Variants in EXOC6B observed in about 807,000 individuals in gnomAD.
EXOC6B encodes the protein SEC15 homolog B.
Under a neutral mutation model 113.5 loss-of-function variants are expected in EXOC6B, and 54 were observed. The ratio of observed to expected loss-of-function variants is 0.48; its 90% confidence interval spans 0.38 to 0.60. The LOEUF (loss-of-function observed/expected upper bound fraction) is 0.60. Among genes scored for constraint, EXOC6B ranks in the 20% least tolerant of loss-of-function variants. EXOC6B has a pLI of 0.00. For synonymous variants in EXOC6B, 357 were observed against 339.0 expected (o/e 1.05, Z -0.58); for missense variants, 797 against 977.5 (o/e 0.82, Z 2.46).
intron 20 of EXOC6B, among the ~76,000 whole-genome samples, chr2:72,241,092 T>C (rs1166889446): frequency 1.3e-5 from 2 of 152,142 alleles, no homozygotes; most frequent in African/African-American, 4.8e-5. Flanking sequence ...ATAAAACAAC[T>C]GTGATTAATA....
chr2:72,557,523 T>C (rs528469679), intron 8 of EXOC6B, among the ~76,000 whole-genome samples: 1 of 152,268 alleles, frequency 6.6e-6, no homozygotes, highest in Admixed American at 6.5e-5. Context: ...AGGAGACTGT[T>C]ATCCTCAGCA....
intron 21 of EXOC6B, among the ~76,000 whole-genome samples, chr2:72,179,700 G>T (rs539846024): frequency 6.6e-6 from 1 of 151,902 alleles, no homozygotes; most frequent in South Asian, 2.1e-4. Flanking sequence ...GTTTTGGAGG[G>T]GTCAATCTCC....
At chr2:72,774,577 G>C (rs1461326256) in intron 1 of EXOC6B, among the ~76,000 whole-genome samples, 2 of 152,148 alleles carry the variant, frequency 1.3e-5, no homozygotes, top group Non-Finnish European at 2.9e-5. Flanking sequence ...CTAGAGAAAT[G>C]TTAACTTATG....
intron 6 of EXOC6B, among the ~76,000 whole-genome samples, chr2:72,638,391 GC>G (rs1558868891): frequency 6.6e-6 from 1 of 152,042 alleles, no homozygotes; most frequent in Non-Finnish European, 1.5e-5. Context: ...GTGCAGGATG[GC>G]CGACTAGATG....
intron 18 of EXOC6B, among the ~76,000 whole-genome samples, chr2:72,436,100 C>T (rs1165708415): frequency 6.6e-6 from 1 of 152,180 alleles, no homozygotes; most frequent in East Asian, 1.9e-4. Flanking sequence ...CTGGTAGTGA[C>T]AAAATCCCTC....
rs145011742 is a variant in EXOC6B, at chr2:72,248,222, G to T, written c.2197-64035C>A. On this transcript the variant is annotated intron_variant, in intron 20 of 21. Coordinates refer to ENST00000272427, the MANE Select transcript of EXOC6B (RefSeq NM_015189.3). ...ATTAAAATTCCATGTCCCATGACAGGTATAAGTACCTACACTATCCTTATT... is the reference window on the plus strand; with the variant it reads ...ATTAAAATTCCATGTCCCATGACAGTTATAAGTACCTACACTATCCTTATT... Among the ~76,000 whole-genome samples the T allele has an allele frequency of 3.0e-4, 45 of 152,192 alleles. No homozygotes were observed. The East Asian group carries it at 7.7e-3, about 26-fold the overall frequency.
intron 17 of EXOC6B, among the ~76,000 whole-genome samples, chr2:72,474,976 G>C (rs898909656): frequency 4.6e-5 from 7 of 152,156 alleles, no homozygotes; most frequent in Non-Finnish European, 1.0e-4. Context: ...GTTATTTTGA[G>C]TGCAGTAGTG....
At chr2:72,559,599 G>A in intron 7 of EXOC6B, 78 bp from the exon 8 acceptor site, 2 of 1,196,988 alleles carry the variant, frequency 1.7e-6, no homozygotes, top group South Asian at 2.8e-5. Context: ...CTACTCAAGT[G>A]TTTGGTTCTT....
At chr2:72,583,026 A>G (rs539929947) in intron 6 of EXOC6B, among the ~76,000 whole-genome samples, 1 of 152,240 alleles carries the variant, frequency 6.6e-6, no homozygotes, top group Non-Finnish European at 1.5e-5. Flanking sequence ...AGCTTCTGGA[A>G]TTGACAAACT....
At chr2:72,568,350 T>C (rs1013462355) in intron 7 of EXOC6B, among the ~76,000 whole-genome samples, 16 of 152,064 alleles carry the variant, frequency 1.1e-4, no homozygotes, top group African/African-American at 3.6e-4. Context: ...ATAAAGGTTG[T>C]ATATTAAGTG....
intron 18 of EXOC6B, among the ~76,000 whole-genome samples, chr2:72,448,730 T>C (rs1696735208): frequency 2.0e-5 from 3 of 152,070 alleles, no homozygotes; most frequent in African/African-American, 4.8e-5. Context: ...ATCAATAATA[T>C]CTTCAAATGT....
chr2:72,224,798 C>CTGTG (rs34910404), intron 20 of EXOC6B, among the ~76,000 whole-genome samples: 1,638 of 144,278 alleles, frequency 0.011, 20 homozygotes, highest in African/African-American at 0.033. Flanking sequence ...TCCAGCTAAT[C>CTGTG]TGTGTGTGTG....
At chr2:72,285,361 T>G (rs1251863376) in intron 20 of EXOC6B, among the ~76,000 whole-genome samples, 2 of 152,028 alleles carry the variant, frequency 1.3e-5, no homozygotes, top group African/African-American at 4.8e-5. Context: ...AGACCTCTGA[T>G]GAGCAAAGGC....
chr2:72,531,988 A>AAAAAAT (rs1422640247), intron 8 of EXOC6B, among the ~76,000 whole-genome samples: 1 of 152,164 alleles, frequency 6.6e-6, no homozygotes, highest in East Asian at 1.9e-4. Context: ...TCCTTCTCAA[A>AAAAAAT]AAAAATAAAA....
chr2:72,515,945 C>T (rs1162711115), intron 8 of EXOC6B, among the ~76,000 whole-genome samples: 2 of 152,074 alleles, frequency 1.3e-5, no homozygotes, highest in African/African-American at 2.4e-5. Flanking sequence ...GAGAACACCA[C>T]GTGATGACAG....
At chr2:72,399,382 A>G (rs1692988796) in intron 18 of EXOC6B, among the ~76,000 whole-genome samples, 1 of 152,184 alleles carries the variant, frequency 6.6e-6, no homozygotes. Context: ...CTCCTATTCA[A>G]CACAGTACTG....
At chr2:72,710,845 A>C (rs950779687) in intron 6 of EXOC6B, among the ~76,000 whole-genome samples, 3 of 152,234 alleles carry the variant, frequency 2.0e-5, no homozygotes, top group Non-Finnish European at 4.4e-5. Context: ...CCATTTACTC[A>C]AGGAATAATG....
chr2:72,435,880 G>A (rs1695832698), intron 18 of EXOC6B, among the ~76,000 whole-genome samples: 1 of 152,014 alleles, frequency 6.6e-6, no homozygotes, highest in Admixed American at 6.5e-5. Context: ...TTTAATTGGG[G>A]CATTTAGCCC....
intron 11 of EXOC6B, among the ~76,000 whole-genome samples, chr2:72,505,678 A>G (rs951242424): frequency 6.6e-6 from 1 of 152,148 alleles, no homozygotes; most frequent in African/African-American, 2.4e-5. Context: ...AACAATGAAC[A>G]TGGTTCATTT....
Sources: allele counts gnomAD v4.1 joint callset (sites outside exome capture counted in the v4.1 genomes callset), GRCh38; gene constraint gnomAD v4.1.1; transcripts MANE v1.5; gene names NCBI Gene and HGNC (gene_info 2026-07-23, HGNC 2026-07-21).